CACNA2D3: variants seen among roughly 807,000 people sequenced by gnomAD.
CACNA2D3 encodes calcium voltage-gated channel auxiliary subunit alpha2delta 3.
In CACNA2D3, 60 loss-of-function variants were observed where a neutral mutation model predicts 160.6. That is an observed-to-expected ratio of 0.37 (90% confidence interval 0.30 to 0.46). The LOEUF is 0.46. Ranked by LOEUF, CACNA2D3 falls within the 20% of genes least tolerant of loss-of-function variation. The pLI is 1.00. For missense variants in CACNA2D3, 1,205 were observed against 1,365.0 expected (o/e 0.88, Z 1.85); for synonymous variants, 558 against 492.9 (o/e 1.13, Z -1.75).
rs1217744897 is a variant in CACNA2D3 at position 54,763,825 on chromosome 3, G to GTA, written c.1247-385_1247-384dup. 3.1e-3 allele frequency among the ~76,000 whole-genome samples: 181 copies of GTA among 58,334 alleles called. 40 individuals are homozygous for GTA. Among genetic ancestry groups the GTA allele is most frequent in the South Asian group, 9.0e-3 (13 of 1,452 alleles). 38.3% of individuals were successfully genotyped at this position (58,334 alleles called of 152,430 possible). ...TACATATATATACATATATATATAC[G>GTA]TATATATATGTATATATATGTACAT... is the stretch of plus-strand genomic sequence containing the variant. On this transcript the variant is annotated intron_variant, in intron 12 of 37. Coordinates refer to ENST00000474759, the MANE Select transcript of CACNA2D3 (RefSeq NM_018398.3).
At chr3:54,871,230 A>C (rs1699527186) in intron 17 of CACNA2D3, among the ~76,000 whole-genome samples, 1 of 136,734 alleles carries the variant, frequency 7.3e-6, no homozygotes, top group African/African-American at 3.0e-5. Context: ...CACACCCCCC[A>C]TTCAAGGAGG....
At chr3:54,385,980 T>A (rs1192216556) in intron 3 of CACNA2D3, 1 of 505,448 alleles carries the variant, frequency 2.0e-6, no homozygotes, top group Non-Finnish European at 3.9e-6. Flanking sequence ...AATATCTTAT[T>A]GTAGGCAAAA....
At chr3:54,659,911 C>G (rs1233618232) in intron 11 of CACNA2D3, among the ~76,000 whole-genome samples, 4 of 152,126 alleles carry the variant, frequency 2.6e-5, no homozygotes, top group Non-Finnish European at 5.9e-5. Context: ...AAGATCAGAA[C>G]AAGCAGATTT....
chr3:54,922,845 T>G (rs1700894057), intron 27 of CACNA2D3, among the ~76,000 whole-genome samples: 1 of 152,086 alleles, frequency 6.6e-6, no homozygotes, highest in African/African-American at 2.4e-5. Context: ...TCTTTGCCCC[T>G]TGTCAGCTGA....
At chr3:55,004,397 A>T (rs1482931201) in intron 31 of CACNA2D3, among the ~76,000 whole-genome samples, 1 of 152,206 alleles carries the variant, frequency 6.6e-6, no homozygotes, top group Non-Finnish European at 1.5e-5. Flanking sequence ...GACATGGCCC[A>T]AGTAAATTCC....
chr3:54,829,988 A>AGGTTCAAGCACTTCTCTGCCTCCCG (rs1703837915), intron 14 of CACNA2D3, among the ~76,000 whole-genome samples: 1 of 147,804 alleles, frequency 6.8e-6, no homozygotes, highest in South Asian at 2.2e-4. Flanking sequence ...TCTGCCTCCC[A>AGGTTCAAGCACTTCTCTGCCTCCCG]GGTTCAAGCA....
chr3:54,493,039 T>TGTGGGAG (rs1701136637), intron 4 of CACNA2D3, among the ~76,000 whole-genome samples: 1 of 148,148 alleles, frequency 6.8e-6, no homozygotes, highest in Non-Finnish European at 1.5e-5. Flanking sequence ...TAAATATGTA[T>TGTGGGAG]GTGGGAGGTA....
intron 13 of CACNA2D3, among the ~76,000 whole-genome samples, chr3:54,807,473 A>C (rs951141756): frequency 6.6e-6 from 1 of 152,226 alleles, no homozygotes; most frequent in Admixed American, 6.5e-5. Context: ...ATCACTGGCC[A>C]TCAGAGAAAT....
chr3:54,172,566 T>A (rs1458668647), intron 2 of CACNA2D3, among the ~76,000 whole-genome samples: 1 of 152,192 alleles, frequency 6.6e-6, no homozygotes, highest in African/African-American at 2.4e-5. Flanking sequence ...TGACTACTAA[T>A]TCTATATAAC....
chr3:54,653,797 G>A (rs905639760), intron 11 of CACNA2D3, among the ~76,000 whole-genome samples: 1 of 152,226 alleles, frequency 6.6e-6, no homozygotes, highest in African/African-American at 2.4e-5. Context: ...CTTCCTGGGT[G>A]TGGCACTGGG....
chr3:54,970,744 T>C (rs1018686996), intron 29 of CACNA2D3, among the ~76,000 whole-genome samples: 2 of 151,350 alleles, frequency 1.3e-5, no homozygotes, highest in South Asian at 2.1e-4. Context: ...TATGTTTTTA[T>C]ACCTTGCCAT....
rs545835395 is a variant in CACNA2D3, at chr3:54,245,226, A to T, written c.205-75216A>T. 1.7e-3 allele frequency among the ~76,000 whole-genome samples: 252 copies of T among 152,124 alleles called. 2 individuals carry two copies. The highest frequency in any genetic ancestry group is 5.8e-3 in the African/African-American group (242 of 41,486). ...ACACAGTCTTTTTATTTTTTTTTTA[A>T]AAAATTTAAATTTAATTTTAAGTTC... is the stretch of plus-strand genomic sequence containing the variant. On this transcript the variant is annotated intron_variant, in intron 2 of 37. Transcript: ENST00000474759.
At chr3:54,376,363 G>T (rs1699012811) in intron 3 of CACNA2D3, among the ~76,000 whole-genome samples, 1 of 152,162 alleles carries the variant, frequency 6.6e-6, no homozygotes, top group South Asian at 2.1e-4. Flanking sequence ...TTCCTGCACT[G>T]GTGCTCTATG....
At chr3:54,782,996 C>G (rs904062467) in intron 13 of CACNA2D3, among the ~76,000 whole-genome samples, 1 of 152,196 alleles carries the variant, frequency 6.6e-6, no homozygotes, top group South Asian at 2.1e-4. Context: ...CCTATTATCT[C>G]CATTTACTTG....
At chr3:54,672,516 C>G (rs1384868560) in intron 11 of CACNA2D3, among the ~76,000 whole-genome samples, 1 of 152,176 alleles carries the variant, frequency 6.6e-6, no homozygotes, top group Non-Finnish European at 1.5e-5. Flanking sequence ...ACTCTGGCCT[C>G]ATTTTAGGGG....
chr3:54,310,049 A>G (rs955982062), intron 2 of CACNA2D3, among the ~76,000 whole-genome samples: 2 of 151,976 alleles, frequency 1.3e-5, no homozygotes, highest in African/African-American at 4.8e-5. Flanking sequence ...GCATTCCTCA[A>G]GGATTGTCCT....
intron 13 of CACNA2D3, among the ~76,000 whole-genome samples, chr3:54,784,173 C>G (rs904314756): frequency 6.6e-6 from 1 of 152,156 alleles, no homozygotes; most frequent in Non-Finnish European, 1.5e-5. Context: ...GCTTCAAATA[C>G]TCAGTTGAAC....
At chr3:54,238,757 C>T (rs1198910858) in intron 2 of CACNA2D3, among the ~76,000 whole-genome samples, 1 of 152,170 alleles carries the variant, frequency 6.6e-6, no homozygotes, top group Non-Finnish European at 1.5e-5. Context: ...AGGCAGTTAT[C>T]TCTCTAATGC....
At chr3:54,806,396 T>G (rs1166231525) in intron 13 of CACNA2D3, among the ~76,000 whole-genome samples, 1 of 152,284 alleles carries the variant, frequency 6.6e-6, no homozygotes, top group Admixed American at 6.5e-5. Context: ...ACAAGCATTC[T>G]TATACACCAA....
Sources: allele counts gnomAD v4.1 joint callset (sites outside exome capture counted in the v4.1 genomes callset), GRCh38; gene constraint gnomAD v4.1.1; transcripts MANE v1.5; gene names NCBI Gene and HGNC (gene_info 2026-07-23, HGNC 2026-07-21).